Variants in RUNX2 observed in about 807,000 individuals in gnomAD.
RUNX2 encodes RUNX family transcription factor 2.
Under a neutral mutation model 51.7 loss-of-function variants are expected in RUNX2, and 10 were observed. The observed-to-expected ratio is 0.19, with a 90% CI of 0.12 to 0.33. RUNX2 has a LOEUF of 0.33. RUNX2 is among the 10% of genes least tolerant of loss of function. The probability of loss-of-function intolerance (pLI) is 1.00; values close to 1 mark genes in which losing one functional copy is unlikely to be tolerated. For synonymous variants in RUNX2, 276 were observed against 273.6 expected, an observed-to-expected ratio of 1.01 and a Z score of -0.09; for missense variants, 562 against 691.3, an observed-to-expected ratio of 0.81 and a Z score of 2.10.
intron 4 of RUNX2, among the ~76,000 whole-genome samples, chr6:45,435,265 A>G (rs1798650202): frequency 2.0e-5 from 3 of 152,248 alleles, no homozygotes; most frequent in Admixed American, 1.3e-4. Flanking sequence ...TAGGGGAAGC[A>G]TAGATGACTT....
intron 2 of RUNX2, among the ~76,000 whole-genome samples, chr6:45,335,093 A>C (rs1458587947): frequency 4.0e-5 from 6 of 151,272 alleles, no homozygotes; most frequent in Admixed American, 4.0e-4. Context: ...GAAGCTAAAC[A>C]GGTATATTTT....
intron 2 of RUNX2, among the ~76,000 whole-genome samples, chr6:45,329,197 T>TAGGG (rs1188429322): frequency 6.6e-6 from 1 of 151,940 alleles, no homozygotes; most frequent in African/African-American, 2.4e-5. Context: ...AAGGAAGCAA[T>TAGGG]TTTACAAAAT....
At chr6:45,434,082 T>G (rs1251780779) in intron 4 of RUNX2, among the ~76,000 whole-genome samples, 1 of 152,076 alleles carries the variant, frequency 6.6e-6, no homozygotes, top group East Asian at 1.9e-4. Flanking sequence ...AAAATTGATT[T>G]ATCACTAATA....
intron 2 of RUNX2, among the ~76,000 whole-genome samples, chr6:45,390,015 A>G (rs1211863826): frequency 1.3e-5 from 2 of 152,160 alleles, no homozygotes; most frequent in Non-Finnish European, 2.9e-5. Context: ...CAAAAAAAAA[A>G]AAAAGTTATT....
intron 5 of RUNX2, among the ~76,000 whole-genome samples, chr6:45,476,465 TATA>T (rs1464517008): frequency 6.6e-6 from 1 of 152,200 alleles, no homozygotes; most frequent in African/African-American, 2.4e-5. Flanking sequence ...GCTTTCCCTA[TATA>T]ATATTTGGAC....
intron 5 of RUNX2, among the ~76,000 whole-genome samples, chr6:45,490,396 G>A (rs2150406364): frequency 6.6e-6 from 1 of 152,284 alleles, no homozygotes; most frequent in South Asian, 2.1e-4. Context: ...GTGCATTTCA[G>A]TTAATGGGCC....
chr6:45,462,017 C>T (rs1005385127), intron 5 of RUNX2, among the ~76,000 whole-genome samples: 1 of 151,928 alleles, frequency 6.6e-6, no homozygotes, highest in African/African-American at 2.4e-5. Context: ...AGCCCCCCAG[C>T]CATTCGTGTG....
At chr6:45,529,173 A>G (rs559117404) in intron 7 of RUNX2, among the ~76,000 whole-genome samples, 1 of 152,330 alleles carries the variant, frequency 6.6e-6, no homozygotes, top group African/African-American at 2.4e-5. Flanking sequence ...TTAAAATGTA[A>G]TGAAGTTCCA....
At chr6:45,494,670 C>T (rs1800593564) in intron 6 of RUNX2, among the ~76,000 whole-genome samples, 1 of 152,074 alleles carries the variant, frequency 6.6e-6, no homozygotes, top group African/African-American at 2.4e-5. Context: ...CTGTATCTGT[C>T]CATAACCAAG....
intron 2 of RUNX2, chr6:45,422,272 G>T (rs907728983): frequency 6.0e-6 from 2 of 333,172 alleles, no homozygotes; most frequent in Non-Finnish European, 1.1e-5. Flanking sequence ...GCCTCCCCAG[G>T]CCAAACACAC....
At chr6:45,420,624 C>T (rs1798158840) in intron 2 of RUNX2, among the ~76,000 whole-genome samples, 1 of 152,228 alleles carries the variant, frequency 6.6e-6, no homozygotes, top group South Asian at 2.1e-4. Context: ...ACTTTGGCAA[C>T]TGATGATTTT....
rs531688680 is a variant in RUNX2 at position 45,497,149 on chromosome 6, A to T, written c.859+5035A>T. Reference sequence around the variant, plus strand: ...TGTAAAACTGCCTTTGCAGACACCCAAGGGGCTTCCCTTCTCATGATTCTT... The same window carrying T: ...TGTAAAACTGCCTTTGCAGACACCCTAGGGGCTTCCCTTCTCATGATTCTT... On this transcript the variant is annotated intron_variant, in intron 6 of 8. Coordinates refer to ENST00000647337, the MANE Select transcript of RUNX2 (RefSeq NM_001024630.4). Among the ~76,000 whole-genome samples, 5 of 152,330 alleles carry T rather than the reference A, an allele frequency of 3.3e-5. No homozygotes were observed. The East Asian group carries it at 9.6e-4, about 29-fold the overall frequency.
chr6:45,370,898 T>C (rs1232018117), intron 2 of RUNX2, among the ~76,000 whole-genome samples: 4 of 152,078 alleles, frequency 2.6e-5, no homozygotes, highest in Non-Finnish European at 5.9e-5. Context: ...TCCAGTACTC[T>C]CACAGAAAAA....
chr6:45,426,757 A>C (rs1032099110), intron 3 of RUNX2, among the ~76,000 whole-genome samples: 1 of 152,226 alleles, frequency 6.6e-6, no homozygotes, highest in African/African-American at 2.4e-5. Context: ...AATACCTTTC[A>C]GTGCTTGTCA....
rs565686181 is a variant in RUNX2, at chr6:45,541,242, A to T, written c.1022-3975A>T. Among the ~76,000 whole-genome samples, 8 of 152,258 alleles carry T rather than the reference A, an allele frequency of 5.3e-5. No individual in the cohort carries two copies. In the South Asian group the frequency reaches 1.7e-3, roughly 32 times the overall value. On this transcript the variant is annotated intron_variant, in intron 7 of 8. Coordinates refer to ENST00000647337, the MANE Select transcript of RUNX2 (RefSeq NM_001024630.4). The stretch of plus-strand genomic sequence containing the variant: ...ATGAGAGGAAAACATATTCTTTACC[A>T]TCCAAAGCTGACTTTATAGTTGGAG...
At chr6:45,482,415 C>T (rs1453582682) in intron 5 of RUNX2, among the ~76,000 whole-genome samples, 1 of 152,238 alleles carries the variant, frequency 6.6e-6, no homozygotes, top group Admixed American at 6.5e-5. Context: ...TGATTCGCCA[C>T]AGCCTAAAAC....
rs376694142 is a variant in RUNX2, at chr6:45,546,947, C to T, written c.1208C>T (p.Pro403Leu). The T allele has an allele frequency of 6.2e-7, 1 of 1,613,922 alleles. No individual in the cohort carries two copies. Among genetic ancestry groups the T allele is most frequent in the Non-Finnish European group, 8.5e-7 (1 of 1,180,030 alleles). Residue 403 changes from proline (P) to leucine (L), a missense_variant, in exon 9 of 9, where the codon CCA becomes CTA. Coordinates refer to ENST00000647337, the MANE Select transcript of RUNX2 (RefSeq NM_001024630.4). The stretch of plus-strand genomic sequence containing the variant: ...CCAGCCACCTTTACTTACACCCCGC[C>T]AGTCACCTCAGGCATGTCCCTCGGT... ...HYPATFTYTP[P>L]VTSGMSLGMS...
intron 7 of RUNX2, among the ~76,000 whole-genome samples, chr6:45,538,692 G>A (rs1286317454): frequency 2.7e-5 from 4 of 150,564 alleles, no homozygotes; most frequent in East Asian, 1.9e-4. Context: ...CTGGCTAATC[G>A]GAGGAACGCA....
intron 2 of RUNX2, among the ~76,000 whole-genome samples, chr6:45,345,461 C>T (rs1790656012): frequency 6.6e-6 from 1 of 152,090 alleles, no homozygotes; most frequent in Non-Finnish European, 1.5e-5. Flanking sequence ...TTATGATAGA[C>T]TCCTCAACCA....
Sources: allele counts gnomAD v4.1 joint callset (sites outside exome capture counted in the v4.1 genomes callset), GRCh38; gene constraint gnomAD v4.1.1; transcripts MANE v1.5; gene names NCBI Gene and HGNC (gene_info 2026-07-23, HGNC 2026-07-21).